Variants in PCDHGA1 observed in about 807,000 individuals in gnomAD.
PCDHGA1 encodes protocadherin gamma-A1.
In PCDHGA1, 32 loss-of-function variants were observed where a neutral mutation model predicts 58.0. The observed-to-expected ratio is 0.55, with a 90% CI of 0.42 to 0.74. PCDHGA1 has a LOEUF of 0.74. Among genes scored for constraint, PCDHGA1 ranks in the 30% least tolerant of loss-of-function variants. PCDHGA1 has a pLI of 0.00. For synonymous variants in PCDHGA1, 498 were observed against 501.1 expected (o/e 0.99, Z 0.08); for missense variants, 1,205 against 1,182.3 (o/e 1.02, Z -0.28).
intron 1 of PCDHGA1, chr5:141,394,176 G>A: frequency 6.2e-7 from 1 of 1,613,790 alleles, no homozygotes; most frequent in Non-Finnish European, 8.5e-7. Flanking sequence ...TTTCCCTCAT[G>A]CCTCCTACTC....
chr5:141,375,703 G>T (rs776426026), intron 1 of PCDHGA1: 9 of 1,614,144 alleles, frequency 5.6e-6, no homozygotes, highest in Non-Finnish European at 7.6e-6. Flanking sequence ...GCGGGGACCC[G>T]CCTCTTAGCA....
At chr5:141,387,936 T>G (rs200817766) in intron 1 of PCDHGA1, 31,224 of 1,475,552 alleles carry the variant, frequency 0.021, 381 homozygotes, top group Non-Finnish European at 0.026. Flanking sequence ...GCCAGTGCTC[T>G]TTCTCTTCCT....
intron 1 of PCDHGA1, chr5:141,374,002 C>A (rs1770015960): frequency 1.5e-6 from 2 of 1,320,574 alleles, no homozygotes; most frequent in South Asian, 4.1e-5. Flanking sequence ...AGGACCTTCA[C>A]CGCTATTTCT....
At chr5:141,420,406 T>C (rs2096494414) in intron 1 of PCDHGA1, 1 of 1,241,672 alleles carries the variant, frequency 8.1e-7, no homozygotes, top group Non-Finnish European at 1.1e-6. Context: ...AATTTATGGT[T>C]ATCATTATTA....
At chr5:141,501,600 C>G (rs1320824291) in intron 2 of PCDHGA1, among the ~76,000 whole-genome samples, 1 of 152,040 alleles carries the variant, frequency 6.6e-6, no homozygotes, top group Admixed American at 6.6e-5. Flanking sequence ...TCTACCAGTT[C>G]CAGCTGTGTG....
intron 1 of PCDHGA1, chr5:141,385,344 A>G (rs1444885751): frequency 6.4e-7 from 1 of 1,567,338 alleles, no homozygotes. Context: ...CCCTTCCTTT[A>G]TTTCCATGAG....
At chr5:141,391,837 T>C (rs2092427916) in intron 1 of PCDHGA1, 1 of 152,236 alleles carries the variant, frequency 6.6e-6, no homozygotes, top group Non-Finnish European at 1.5e-5. Flanking sequence ...TTAGAATATA[T>C]GTAAAAGTCA....
intron 1 of PCDHGA1, among the ~76,000 whole-genome samples, chr5:141,436,809 A>T (rs2097847373): frequency 6.6e-6 from 1 of 152,242 alleles, no homozygotes; most frequent in Non-Finnish European, 1.5e-5. Context: ...TTTTTGTGAC[A>T]GCTGGTTTAA....
In PCDHGA1 at chr5:141,354,915, T is replaced by TA. The variant is rs1175574849; in HGVS notation, c.2421+21816dup. The TA allele has an allele frequency of 3.3e-4, 134 of 411,254 alleles. No homozygotes were observed. The East Asian group carries it at 4.7e-3, about 15-fold the overall frequency. 25.5% of individuals were successfully genotyped at this position (411,254 alleles called of 1,614,324 possible). A position where few individuals can be genotyped will look rare whatever the true frequency, so the allele number is the denominator to read the frequency against. On this transcript the variant is annotated intron_variant, in intron 1 of 3. Coordinates refer to ENST00000517417, the MANE Select transcript of PCDHGA1 (RefSeq NM_018912.3). ...GGAGAAATAGGAATAGAAAAGTGTA[T>TA]AAAAAATAAACTTTTTTTAACCAAG...
intron 1 of PCDHGA1, chr5:141,428,156 C>A: frequency 6.3e-7 from 1 of 1,579,884 alleles, no homozygotes; most frequent in Non-Finnish European, 8.6e-7. Context: ...CGGGAACCTG[C>A]TGGTTGCTGT....
intron 1 of PCDHGA1, among the ~76,000 whole-genome samples, chr5:141,435,134 A>G (rs1190517186): frequency 6.6e-6 from 1 of 152,190 alleles, no homozygotes; most frequent in Non-Finnish European, 1.5e-5. Context: ...GAAAATATAA[A>G]TAAAATTGTG....
At position 141,419,994 on chromosome 5, in the gene PCDHGA1, C is replaced by T. The variant is rs757658202; in HGVS notation, c.2422-74813C>T. 1.9e-6 allele frequency: 3 copies of T among 1,614,072 alleles called. No homozygotes were observed. Among genetic ancestry groups the T allele is most frequent in the East Asian group, 4.5e-5 (2 of 44,884 alleles). ...CTCCTCGCGGTGATTCTAGCTATTG[C>T]TCTACGCCTGCGACAGTCTTTCAGC... On this transcript the variant is annotated intron_variant, in intron 1 of 3. Coordinates refer to ENST00000517417, the MANE Select transcript of PCDHGA1 (RefSeq NM_018912.3).
chr5:141,423,757 G>GGC, intron 1 of PCDHGA1: 1 of 395,122 alleles, frequency 2.5e-6, no homozygotes, highest in East Asian at 1.5e-4. Context: ...GTTTGGGGGG[G>GGC]GGGTGGGGCG....
In PCDHGA1 at chr5:141,414,653, A is replaced by G. The variant is rs2095771118; in HGVS notation, c.2422-80154A>G. ...AGCAAAGAGAATGCCCAGATTATTT[A>G]CTCCCTGGCTGAAGACACCATCCAG... On this transcript the variant is annotated intron_variant, in intron 1 of 3. Coordinates refer to ENST00000517417, the MANE Select transcript of PCDHGA1 (RefSeq NM_018912.3). 6.2e-7 allele frequency: 1 copy of G among 1,613,644 alleles called. No homozygotes were observed.
chr5:141,346,659 A>C (rs2149741559), intron 1 of PCDHGA1: 3 of 744,974 alleles, frequency 4.0e-6, no homozygotes, highest in Non-Finnish European at 6.5e-6. Context: ...TTAGGGAAAA[A>C]ATAATACATC....
At chr5:141,350,774 A>G in intron 1 of PCDHGA1, 6 of 1,613,968 alleles carry the variant, frequency 3.7e-6, no homozygotes, top group Non-Finnish European at 4.2e-6. Flanking sequence ...CATCAACCCC[A>G]ATCAATACTT....
intron 1 of PCDHGA1, among the ~76,000 whole-genome samples, chr5:141,470,854 A>G (rs553276517): frequency 6.6e-6 from 1 of 152,028 alleles, no homozygotes; most frequent in Admixed American, 6.6e-5. Context: ...TGCTCAGATA[A>G]GTTTTTTGTT....
rs773232677 is a variant in PCDHGA1, at chr5:141,490,388, G to A, written c.2422-4419G>A. 2 of 1,614,206 alleles carry A rather than the reference G, an allele frequency of 1.2e-6. No homozygotes were observed. The highest frequency in any genetic ancestry group is 2.2e-5 in the East Asian group (1 of 44,878). The stretch of plus-strand genomic sequence containing the variant: ...CGAGACCGGGACTCAGGTAGAAATG[G>A]TGAAGTGAGCCTTGATATCTCTCCG... On this transcript the variant is annotated intron_variant, in intron 1 of 3. Transcript: ENST00000517417. The surrounding 1 kb of genome is among the most constrained non-coding windows in gnomAD (Gnocchi z 5.4).
intron 1 of PCDHGA1, chr5:141,404,222 G>A (rs1407928050): frequency 6.2e-7 from 1 of 1,613,616 alleles, no homozygotes; most frequent in Admixed American, 1.7e-5. Context: ...CACGGTGACT[G>A]CAACAGACAG....
Sources: gnomAD v4.1 joint callset for allele counts (sites outside exome capture counted in the v4.1 genomes callset) on GRCh38, gnomAD v4.1.1 for gene constraint, Gnocchi (gnomAD v3.1) non-coding constraint, MANE v1.5 for transcripts, NCBI Gene and HGNC (gene_info 2026-07-23, HGNC 2026-07-21) for gene names.